The following ZBTB20 variants were observed in gnomAD, a reference collection of about 807,000 sequenced individuals.
ZBTB20 encodes zinc finger and BTB domain containing 20, also known as zinc finger and BTB domain-containing protein 20.
In ZBTB20, 9 loss-of-function variants were observed where a neutral mutation model predicts 56.9. The ratio of observed to expected loss-of-function variants is 0.16; its 90% CI spans 0.10 to 0.28. The LOEUF is 0.28. Ranked by LOEUF, ZBTB20 falls within the 10% of genes least tolerant of loss-of-function variation. The probability of loss-of-function intolerance (pLI) is 1.00; values close to 1 mark genes in which losing one functional copy is unlikely to be tolerated. For synonymous variants in ZBTB20, 417 were observed against 420.7 expected, an observed-to-expected ratio of 0.99 and a Z score of 0.11; for missense variants, 655 against 1,003.0, an observed-to-expected ratio of 0.65 and a Z score of 4.69.
chr3:114,916,718 C>T (rs976306545), intron 3 of ZBTB20, among the ~76,000 whole-genome samples: 1 of 152,114 alleles, frequency 6.6e-6, no homozygotes, highest in African/African-American at 2.4e-5. Flanking sequence ...TGTCATGCTA[C>T]TTTTTCCTGG....
At chr3:114,485,112 C>T (rs527416665) in intron 7 of ZBTB20, among the ~76,000 whole-genome samples, 6 of 152,200 alleles carry the variant, frequency 3.9e-5, no homozygotes, top group East Asian at 1.9e-4. Flanking sequence ...TCCCTGGATC[C>T]GCATGCTGGT....
chr3:114,932,913 C>A (rs113533198), intron 3 of ZBTB20, among the ~76,000 whole-genome samples: 67 of 152,242 alleles, frequency 4.4e-4, no homozygotes, highest in African/African-American at 1.5e-3. Flanking sequence ...TGATGCTATG[C>A]TAGTTCTAAG....
intron 4 of ZBTB20, among the ~76,000 whole-genome samples, chr3:114,811,407 C>T (rs1348552115): frequency 1.3e-5 from 2 of 152,192 alleles, no homozygotes; most frequent in African/African-American, 4.8e-5. Flanking sequence ...TGAGAATACA[C>T]TTCCCTAGAG....
chr3:114,864,278 A>T (rs2075665867), intron 4 of ZBTB20, among the ~76,000 whole-genome samples: 1 of 152,058 alleles, frequency 6.6e-6, no homozygotes, highest in African/African-American at 2.4e-5. Flanking sequence ...TGTCTCCATC[A>T]AATTCAATCC....
intron 4 of ZBTB20, among the ~76,000 whole-genome samples, chr3:114,814,311 A>G (rs2072773271): frequency 1.3e-5 from 2 of 150,718 alleles, no homozygotes; most frequent in Non-Finnish European, 3.0e-5. Context: ...TTTATATTGT[A>G]CATGTATGTA....
chr3:115,053,817 C>T (rs1191512422), intron 2 of ZBTB20, among the ~76,000 whole-genome samples: 2 of 151,778 alleles, frequency 1.3e-5, no homozygotes, highest in African/African-American at 4.8e-5. Flanking sequence ...TGATAATATC[C>T]AGAAAAATAA....
intron 6 of ZBTB20, among the ~76,000 whole-genome samples, chr3:114,573,621 G>C (rs569400478): frequency 2.5e-4 from 38 of 151,848 alleles, no homozygotes; most frequent in African/African-American, 8.7e-4. Flanking sequence ...AAAAAATGAG[G>C]TTCTGGAACA....
intron 3 of ZBTB20, among the ~76,000 whole-genome samples, chr3:114,949,670 A>T (rs530936936): frequency 2.1e-5 from 3 of 144,490 alleles, no homozygotes; most frequent in Admixed American, 6.6e-5. Context: ...TGGGAAGCTG[A>T]GGCAGGAGAA....
At chr3:114,345,582 A>G (rs923873425) in intron 11 of ZBTB20, among the ~76,000 whole-genome samples, 1 of 152,218 alleles carries the variant, frequency 6.6e-6, no homozygotes, top group Non-Finnish European at 1.5e-5. Context: ...ACCTGATGCC[A>G]TTCTTCTAAT....
chr3:114,950,157 G>A (rs2077016817), intron 3 of ZBTB20, among the ~76,000 whole-genome samples: 1 of 152,056 alleles, frequency 6.6e-6, no homozygotes, highest in Admixed American at 6.5e-5. Flanking sequence ...CTTTATCCAT[G>A]GGGAATACAC....
chr3:114,536,956 A>T (rs1338624911), intron 6 of ZBTB20, among the ~76,000 whole-genome samples: 1 of 152,134 alleles, frequency 6.6e-6, no homozygotes, highest in African/African-American at 2.4e-5. Flanking sequence ...CCGAAACTGG[A>T]CCCCTTCCTT....
intron 2 of ZBTB20, among the ~76,000 whole-genome samples, chr3:115,016,325 TC>T (rs2079956657): frequency 6.6e-6 from 1 of 151,968 alleles, no homozygotes; most frequent in Admixed American, 6.6e-5. Context: ...TTTAATTAGA[TC>T]CCATTTGTCA....
Position 114,488,946 on chromosome 3 carries a change from A to G in ZBTB20, c.-255+11406T>C, listed in dbSNP as rs2042435607. ...ACTATTACAATGTTAAGTGAAAAGA[A>G]TAGAATACAAAACAGCAAGTAACTT... On this transcript the variant is annotated intron_variant, in intron 7 of 11. Coordinates refer to ENST00000675478, the MANE Select transcript of ZBTB20 (RefSeq NM_001348800.3). Among the ~76,000 whole-genome samples the G allele has an allele frequency of 2.6e-5, 4 of 152,218 alleles. No homozygotes were observed. The South Asian group carries it at 8.3e-4, about 31-fold the overall frequency.
chr3:114,579,642 C>T (rs2054442680), intron 6 of ZBTB20, among the ~76,000 whole-genome samples: 1 of 150,762 alleles, frequency 6.6e-6, no homozygotes, highest in Non-Finnish European at 1.5e-5. Context: ...GAATCAAAAG[C>T]CAGTTTTTGT....
intron 6 of ZBTB20, among the ~76,000 whole-genome samples, chr3:114,521,882 T>C (rs1439481488): frequency 1.3e-5 from 2 of 152,152 alleles, no homozygotes; most frequent in East Asian, 3.9e-4. Context: ...ATATTATGTT[T>C]TGCATTTAAT....
chr3:115,087,808 T>A (rs1488002799), intron 1 of ZBTB20, among the ~76,000 whole-genome samples: 1 of 151,958 alleles, frequency 6.6e-6, no homozygotes, highest in Non-Finnish European at 1.5e-5. Context: ...GGACAAAACC[T>A]CACCCACATG....
intron 6 of ZBTB20, among the ~76,000 whole-genome samples, chr3:114,676,445 G>C (rs973660974): frequency 3.9e-5 from 6 of 152,232 alleles, no homozygotes; most frequent in Non-Finnish European, 7.4e-5. Context: ...TAAACATTAA[G>C]TTCATTATTA....
At chr3:115,043,261 TTAAAAAGTAGTTGAAGG>T (rs2081210353) in intron 2 of ZBTB20, among the ~76,000 whole-genome samples, 1 of 152,040 alleles carries the variant, frequency 6.6e-6, no homozygotes, top group South Asian at 2.1e-4. Flanking sequence ...AATAATTTGT[TTAAAAAGTAGTTGAAGG>T]CCAGGCATGG....
Position 114,315,896 on chromosome 3 carries a change from GA to G in ZBTB20, c.*23108del, listed in dbSNP as rs1247964484. 2 of 154,758 alleles carry G rather than the reference GA, an allele frequency of 1.3e-5. No homozygotes were observed. The highest frequency in any genetic ancestry group is 2.4e-5 in the African/African-American group (1 of 41,168). The allele number at this position is 154,758 out of a possible 1,614,324, so 9.6% of individuals were successfully genotyped here. On this transcript the variant is annotated 3_prime_UTR_variant, in exon 12 of 12. Transcript: ENST00000675478. ...CAAACACATCAATAAGGTGCTCAAA[GA>G]AAAAAGTGGCACCCACTTCTCAAAT...
Sources: allele counts gnomAD v4.1 joint callset (sites outside exome capture counted in the v4.1 genomes callset), GRCh38; gene constraint gnomAD v4.1.1; transcripts MANE v1.5; gene names NCBI Gene and HGNC (gene_info 2026-07-23, HGNC 2026-07-21).